Variants in APP observed in about 807,000 individuals in gnomAD.
APP encodes the protein amyloid beta precursor protein.
In APP, 31 loss-of-function variants were observed where a neutral mutation model predicts 101.4. That is an observed-to-expected ratio of 0.31 (90% CI 0.23 to 0.41). The LOEUF is 0.41. APP is among the 10% of genes least tolerant of loss of function. The pLI is 1.00. For missense variants in APP, 839 were observed against 1,003.7 expected (o/e 0.84, Z 2.22); for synonymous variants, 366 against 364.4 (o/e 1.00, Z -0.05).
chr21:25,918,083 G>A (rs572459741), intron 13 of APP, among the ~76,000 whole-genome samples: 1 of 152,326 alleles, frequency 6.6e-6, no homozygotes, highest in South Asian at 2.1e-4. Context: ...CACTGTTGGT[G>A]AGAGTGTTAG....
intron 5 of APP, among the ~76,000 whole-genome samples, chr21:26,048,468 G>A (rs1490238220): frequency 6.6e-6 from 1 of 152,172 alleles, no homozygotes; most frequent in African/African-American, 2.4e-5. Flanking sequence ...TTATGAATTT[G>A]TGTTGGTCCG....
At chr21:25,904,196 ACTTT>A (rs1476762542) in intron 15 of APP, among the ~76,000 whole-genome samples, 1 of 152,176 alleles carries the variant, frequency 6.6e-6, no homozygotes, top group African/African-American at 2.4e-5. Flanking sequence ...CAATTCAATA[ACTTT>A]CTTCCTCTTT....
At chr21:26,025,215 T>C (rs574282765) in intron 5 of APP, among the ~76,000 whole-genome samples, 1 of 152,338 alleles carries the variant, frequency 6.6e-6, no homozygotes, top group African/African-American at 2.4e-5. Context: ...GCTTCTGCCT[T>C]TGCATTTTTC....
chr21:26,039,432 AAT>A (rs2045274441), intron 5 of APP, among the ~76,000 whole-genome samples: 1 of 152,236 alleles, frequency 6.6e-6, no homozygotes, highest in South Asian at 2.1e-4. Context: ...CTACGCTTAC[AAT>A]AGCAAATTAT....
In APP at chr21:26,112,102, A is replaced by G; in HGVS notation, c.102T>C (p.Ile34=). The change falls in exon 2 of 18, where the codon ATT becomes ATC. Residue 34 remains isoleucine (I), a synonymous_variant. Coordinates refer to ENST00000346798, the MANE Select transcript of APP (RefSeq NM_000484.4). ...TGTTCAGTCTGCCACAGAACATGGC[A>G]ATCTGGGGTTCAGCCAGCAGGCCAG... The part of the protein sequence containing the change: ...GNAGLLAEPQ[I]AMFCGRLNMH... 6.2e-7 allele frequency: 1 copy of G among 1,614,126 alleles called. No individual in the cohort carries two copies. Among genetic ancestry groups the G allele is most frequent in the Non-Finnish European group, 8.5e-7 (1 of 1,179,998 alleles).
rs45454602 is a variant in APP, at chr21:25,955,601, A to C, written c.1587+26T>G. ...AAGAATCCTGGATTGTCAAAGCTGC[A>C]GAAGATGATTATACCCCACGCTTAC... is the stretch of plus-strand genomic sequence containing the variant. On this transcript the variant is annotated intron_variant, in intron 12 of 17. Transcript: ENST00000346798. The C allele has an allele frequency of 2.8e-3, 4,467 of 1,613,896 alleles. 87 individuals are homozygous for C. The African/African-American group carries it at 0.05, about 18-fold the overall frequency.
intron 1 of APP, among the ~76,000 whole-genome samples, chr21:26,127,056 C>T (rs2062700248): frequency 2.6e-5 from 4 of 151,824 alleles, no homozygotes; most frequent in Admixed American, 2.0e-4. Flanking sequence ...ACCCCTTCAA[C>T]TCAAGATTAC....
intron 1 of APP, among the ~76,000 whole-genome samples, chr21:26,135,852 A>G (rs1194752456): frequency 6.6e-6 from 1 of 152,080 alleles, no homozygotes; most frequent in Non-Finnish European, 1.5e-5. Flanking sequence ...TAGTTTTGTC[A>G]GCCAGGCACG....
At chr21:25,972,044 A>G (rs752093319) in intron 11 of APP, among the ~76,000 whole-genome samples, 26 of 152,262 alleles carry the variant, frequency 1.7e-4, no homozygotes, top group Non-Finnish European at 3.4e-4. Flanking sequence ...TGTAATAATA[A>G]GCAATCAAAA....
chr21:25,956,502 C>A (rs907157520), intron 11 of APP, among the ~76,000 whole-genome samples: 3 of 152,186 alleles, frequency 2.0e-5, no homozygotes, highest in African/African-American at 7.2e-5. Context: ...TCAACAATTT[C>A]ATCACTATAT....
At chr21:25,981,616 T>C (rs1442708371) in intron 9 of APP, among the ~76,000 whole-genome samples, 2 of 151,970 alleles carry the variant, frequency 1.3e-5, no homozygotes, top group Non-Finnish European at 2.9e-5. Flanking sequence ...TTGTAGTTGA[T>C]AGTATATATG....
chr21:26,063,058 C>T (rs1295095061), intron 3 of APP, among the ~76,000 whole-genome samples: 4 of 152,138 alleles, frequency 2.6e-5, no homozygotes, highest in Non-Finnish European at 5.9e-5. Context: ...GCCACTGTAC[C>T]CAGCCTGGGT....
At chr21:26,057,384 A>G (rs117981575) in intron 3 of APP, among the ~76,000 whole-genome samples, 323 of 152,318 alleles carry the variant, frequency 2.1e-3, no homozygotes, top group Non-Finnish European at 3.7e-3. Flanking sequence ...AAATTCATCA[A>G]TATACAGTAT....
At chr21:26,147,729 A>T (rs2063181431) in intron 1 of APP, among the ~76,000 whole-genome samples, 1 of 152,134 alleles carries the variant, frequency 6.6e-6, no homozygotes, top group African/African-American at 2.4e-5. Flanking sequence ...ACTTGGATGC[A>T]GCTACAGGAT....
chr21:26,154,013 A>G (rs1328803414), intron 1 of APP, among the ~76,000 whole-genome samples: 1 of 152,162 alleles, frequency 6.6e-6, no homozygotes, highest in Non-Finnish European at 1.5e-5. Flanking sequence ...AAGAACACCA[A>G]TCCCACTTCT....
intron 17 of APP, among the ~76,000 whole-genome samples, chr21:25,889,512 C>T (rs139027547): frequency 2.2e-4 from 34 of 152,248 alleles, no homozygotes; most frequent in African/African-American, 7.2e-4. Context: ...ACGGACAGAC[C>T]GGCAACAAAG....
chr21:25,912,100 G>A, intron 13 of APP, 138 bp from the exon 14 acceptor site: 1 of 729,662 alleles, frequency 1.4e-6, no homozygotes, highest in Non-Finnish European at 2.5e-6. Flanking sequence ...CATGACATAG[G>A]TACCATTATC....
At chr21:26,078,279 T>C (rs2061534836) in intron 3 of APP, among the ~76,000 whole-genome samples, 1 of 152,212 alleles carries the variant, frequency 6.6e-6, no homozygotes, top group African/African-American at 2.4e-5. Context: ...TCTGGAATTA[T>C]AAAGATATGC....
intron 2 of APP, among the ~76,000 whole-genome samples, chr21:26,108,190 A>G (rs2062227217): frequency 6.6e-6 from 1 of 152,210 alleles, no homozygotes; most frequent in African/African-American, 2.4e-5. Flanking sequence ...CAATTTCCTC[A>G]CTGCCACGTG....
Sources: gnomAD v4.1 joint callset for allele counts (sites outside exome capture counted in the v4.1 genomes callset) on GRCh38, gnomAD v4.1.1 for gene constraint, MANE v1.5 for transcripts, NCBI Gene and HGNC (gene_info 2026-07-23, HGNC 2026-07-21) for gene names.